The following SMOC2 variants were observed in gnomAD, a reference collection of about 807,000 sequenced individuals.
SMOC2 encodes SPARC related modular calcium binding 2.
SMOC2 carries 39 observed loss-of-function variants against 61.4 expected under a neutral mutation model. That is an observed-to-expected ratio of 0.64 (90% CI 0.49 to 0.83). SMOC2 has a LOEUF of 0.83. Ranked by LOEUF, SMOC2 falls within the 40% of genes least tolerant of loss-of-function variation. The pLI is 0.00. For missense variants in SMOC2, 556 were observed against 592.9 expected, an observed-to-expected ratio of 0.94 and a Z score of 0.65; for synonymous variants, 247 against 239.9, an observed-to-expected ratio of 1.03 and a Z score of -0.27.
chr6:168,558,864 T>TGTGTGCGTGTGTGTGCGTGTGTGC (rs1562346807), intron 7 of SMOC2, among the ~76,000 whole-genome samples: 87 of 106,836 alleles, frequency 8.1e-4, no homozygotes, highest in Non-Finnish European at 3.2e-4. Context: ...TGTGCGCATG[T>TGTGTGCGTGTGTGTGCGTGTGTGC]GTGTGCATGT....
At chr6:168,494,104 A>G (rs1215095330) in intron 1 of SMOC2, among the ~76,000 whole-genome samples, 1 of 152,176 alleles carries the variant, frequency 6.6e-6, no homozygotes, top group Non-Finnish European at 1.5e-5. Flanking sequence ...TTCCAGGCAT[A>G]TTGGTCTGAA....
intron 1 of SMOC2, among the ~76,000 whole-genome samples, chr6:168,465,633 C>A (rs1781811174): frequency 6.6e-6 from 1 of 151,962 alleles, no homozygotes; most frequent in South Asian, 2.1e-4. Context: ...TTGTGAAAGC[C>A]AAATAGGGAA....
At chr6:168,578,001 T>C (rs971180046) in intron 7 of SMOC2, among the ~76,000 whole-genome samples, 6 of 152,240 alleles carry the variant, frequency 3.9e-5, no homozygotes, top group African/African-American at 1.4e-4. Context: ...GCTTCTACCA[T>C]AACTTGTTGC....
intron 9 of SMOC2, among the ~76,000 whole-genome samples, chr6:168,623,329 A>ATTT (rs11284179): frequency 0.021 from 2,759 of 129,060 alleles, 164 homozygotes; most frequent in African/African-American, 0.075. Flanking sequence ...TGGATAATTA[A>ATTT]TTTTTTTTTT....
intron 1 of SMOC2, among the ~76,000 whole-genome samples, chr6:168,491,559 T>G (rs938015514): frequency 9.2e-5 from 14 of 152,292 alleles, no homozygotes; most frequent in Admixed American, 8.5e-4. Context: ...CTCCCACCAG[T>G]CAGCCAGAGC....
At chr6:168,622,220 C>T (rs1381041358) in intron 9 of SMOC2, among the ~76,000 whole-genome samples, 2 of 152,112 alleles carry the variant, frequency 1.3e-5, no homozygotes, top group Non-Finnish European at 2.9e-5. Context: ...CCCGCCTCGG[C>T]CTCCCAAAGT....
intron 4 of SMOC2, among the ~76,000 whole-genome samples, chr6:168,541,800 T>C (rs1333549183): frequency 2.0e-5 from 3 of 152,182 alleles, no homozygotes; most frequent in Admixed American, 6.5e-5. Flanking sequence ...TGTGGACTTA[T>C]TTAAGGAAAC....
rs1287650977 is a variant in SMOC2, at chr6:168,535,458, C to CA, written c.463+7732dup. Among the ~76,000 whole-genome samples, 1 of 152,146 alleles carries CA rather than the reference C, an allele frequency of 6.6e-6. No homozygotes were observed. Among genetic ancestry groups the CA allele is most frequent in the Non-Finnish European group, 1.5e-5 (1 of 68,034 alleles). On this transcript the variant is annotated intron_variant, in intron 4 of 12. Transcript: ENST00000356284. The surrounding 1 kb of genome is among the most constrained non-coding windows in gnomAD (Gnocchi z 4.6). ...TTAGCAAGAGTGATACAGCTGTACT[C>CA]AGACATTTTTCTCCTGCCATTGAAT... is the stretch of plus-strand genomic sequence containing the variant.
chr6:168,469,987 C>A (rs188995162), intron 1 of SMOC2, among the ~76,000 whole-genome samples: 2 of 152,192 alleles, frequency 1.3e-5, no homozygotes, highest in African/African-American at 4.8e-5. Context: ...TTCATTTTCC[C>A]AAAATTGGCC....
At chr6:168,499,997 G>A (rs552065145) in intron 1 of SMOC2, among the ~76,000 whole-genome samples, 1 of 152,222 alleles carries the variant, frequency 6.6e-6, no homozygotes, top group Non-Finnish European at 1.5e-5. Flanking sequence ...CTGTGAGCAG[G>A]GAAAGAGGCT....
chr6:168,622,953 C>T (rs945876406), intron 9 of SMOC2, among the ~76,000 whole-genome samples: 1 of 152,154 alleles, frequency 6.6e-6, no homozygotes, highest in Non-Finnish European at 1.5e-5. Context: ...ATTGAACTTC[C>T]GAGCAGTCAG....
chr6:168,536,788 TG>T (rs1403950894), intron 4 of SMOC2, among the ~76,000 whole-genome samples: 3 of 151,680 alleles, frequency 2.0e-5, no homozygotes, highest in Non-Finnish European at 4.4e-5. Flanking sequence ...CAACAAGGAG[TG>T]CGTGCAAGTC....
intron 9 of SMOC2, among the ~76,000 whole-genome samples, chr6:168,642,416 C>T (rs1325751291): frequency 3.3e-5 from 5 of 152,184 alleles, no homozygotes; most frequent in African/African-American, 1.2e-4. Context: ...CAGTTCACAA[C>T]GTACACAGAA....
At chr6:168,548,945 A>G (rs1784068303) in intron 6 of SMOC2, among the ~76,000 whole-genome samples, 184 bp from the exon 7 acceptor site, 1 of 152,240 alleles carries the variant, frequency 6.6e-6, no homozygotes, top group Non-Finnish European at 1.5e-5. Flanking sequence ...AAATATTTTA[A>G]ATGTATATTA....
intron 9 of SMOC2, among the ~76,000 whole-genome samples, chr6:168,640,361 G>A (rs907670524): frequency 2.4e-4 from 37 of 152,158 alleles, no homozygotes; most frequent in Non-Finnish European, 8.8e-5. Context: ...GAGGAAGCAT[G>A]GGGCAGGCTG....
intron 1 of SMOC2, among the ~76,000 whole-genome samples, chr6:168,456,838 G>C (rs1213135358): frequency 2.0e-5 from 3 of 152,206 alleles, no homozygotes; most frequent in African/African-American, 7.2e-5. Flanking sequence ...GCAGGAAGAA[G>C]CCTGGGCTGC....
At chr6:168,609,566 CCT>C (rs1785800074) in intron 9 of SMOC2, among the ~76,000 whole-genome samples, 1 of 152,124 alleles carries the variant, frequency 6.6e-6, no homozygotes, top group Non-Finnish European at 1.5e-5. Context: ...ATTCCATCCC[CCT>C]GATGGCCCTG....
At chr6:168,666,388 TATA>T in intron 12 of SMOC2, 30 bp from the exon 13 acceptor site, 1 of 1,613,588 alleles carries the variant, frequency 6.2e-7, no homozygotes, top group Non-Finnish European at 8.5e-7. Flanking sequence ...CACCTCTGAA[TATA>T]ATGTCTCTTT....
At chr6:168,448,113 T>C (rs769508377) in intron 1 of SMOC2, among the ~76,000 whole-genome samples, 1 of 152,168 alleles carries the variant, frequency 6.6e-6, no homozygotes, top group Non-Finnish European at 1.5e-5. Flanking sequence ...CAAACCGACC[T>C]GCGATTTGTG....
Sources: gnomAD v4.1 joint callset for allele counts (sites outside exome capture counted in the v4.1 genomes callset) on GRCh38, gnomAD v4.1.1 for gene constraint, Gnocchi (gnomAD v3.1) non-coding constraint, MANE v1.5 for transcripts, NCBI Gene and HGNC (gene_info 2026-07-23, HGNC 2026-07-21) for gene names.